RSPH6A: variants seen among roughly 807,000 people sequenced by gnomAD.
The protein encoded by RSPH6A is radial spoke head protein 6 homolog A.
A neutral mutation model predicts 66.1 loss-of-function variants in RSPH6A; 49 were observed. That is an observed-to-expected ratio of 0.74 (90% CI 0.59 to 0.94). RSPH6A has a LOEUF of 0.94. Among genes scored for constraint, RSPH6A ranks in the 40% least tolerant of loss-of-function variants. RSPH6A has a pLI of 0.00. For missense variants in RSPH6A, 977 were observed against 948.3 expected (o/e 1.03, Z -0.40); for synonymous variants, 419 against 402.4 (o/e 1.04, Z -0.49).
At chr19:45,808,923 T>G (rs1489840524) in intron 2 of RSPH6A, among the ~76,000 whole-genome samples, 1 of 150,952 alleles carries the variant, frequency 6.6e-6, no homozygotes, top group East Asian at 2.0e-4. Flanking sequence ...TGCCTCGGCC[T>G]CCCAAAGTGC....
chr19:45,795,868 C>T lies in RSPH6A; in HGVS notation c.*1G>A, dbSNP rs942164226. The T allele has an allele frequency of 8.7e-6, 14 of 1,606,246 alleles. No individual in the cohort carries two copies. Among genetic ancestry groups the T allele is most frequent in the African/African-American group, 1.3e-5 (1 of 74,856 alleles). On this transcript the variant is annotated 3_prime_UTR_variant, in exon 6 of 6. Transcript: ENST00000221538. Reference sequence around the variant, plus strand: ...TGGGGAAAGTGGCTAGAGGGTGGGCCTCAGTCATCTGTCTCCTCGCCCTCC... The same window carrying T: ...TGGGGAAAGTGGCTAGAGGGTGGGCTTCAGTCATCTGTCTCCTCGCCCTCC...
intron 2 of RSPH6A, among the ~76,000 whole-genome samples, chr19:45,808,074 C>T (rs1970569698): frequency 6.6e-6 from 1 of 152,200 alleles, no homozygotes; most frequent in Admixed American, 6.5e-5. Context: ...TGTTGTCAAA[C>T]AAGTAAAATA....
intron 5 of RSPH6A, among the ~76,000 whole-genome samples, chr19:45,798,078 G>C (rs867479762): frequency 9.2e-5 from 14 of 152,078 alleles, no homozygotes; most frequent in Admixed American, 1.3e-4. Context: ...GAGGCAGAGA[G>C]AGCCAAGCAT....
At chr19:45,806,874 A>C (rs892436833) in intron 2 of RSPH6A, among the ~76,000 whole-genome samples, 1 of 151,600 alleles carries the variant, frequency 6.6e-6, no homozygotes, top group Non-Finnish European at 1.5e-5. Context: ...AACCAGTCCC[A>C]AAATCTTTAT....
chr19:45,813,542 G>A (rs748661836), intron 1 of RSPH6A, among the ~76,000 whole-genome samples: 25 of 151,968 alleles, frequency 1.6e-4, no homozygotes, highest in Non-Finnish European at 1.6e-4. Context: ...ACAGGGTTTC[G>A]CCATGTTGGC....
At position 45,814,592 on chromosome 19, in the gene RSPH6A, C is replaced by G. The variant is rs748047125; in HGVS notation, c.585G>C (p.Leu195=). The change falls in exon 1 of 6, where the codon CTG becomes CTC. Residue 195 remains leucine (L), a synonymous_variant. Coordinates refer to ENST00000221538, the MANE Select transcript of RSPH6A (RefSeq NM_030785.4). ...YSAQVPEPEP[L]ELAVQNAKAY... is the part of the protein sequence containing the mutation. ...CCTTGGCGTTCTGCACGGCCAGCTCCAGAGGCTCGGGCTCAGGCACCTGGG... is the reference window on the plus strand; with the variant it reads ...CCTTGGCGTTCTGCACGGCCAGCTCGAGAGGCTCGGGCTCAGGCACCTGGG... 1 of 1,560,670 alleles carries G rather than the reference C, an allele frequency of 6.4e-7. No homozygotes were observed. Among genetic ancestry groups the G allele is most frequent in the Admixed American group, 2.0e-5 (1 of 50,992 alleles).
intron 2 of RSPH6A, among the ~76,000 whole-genome samples, chr19:45,806,929 C>T (rs1970551788): frequency 6.6e-6 from 1 of 151,644 alleles, no homozygotes. Flanking sequence ...GAGTCTTGCT[C>T]TGTCACCCAG....
At chr19:45,806,009 G>A (rs1726841291) in intron 2 of RSPH6A, among the ~76,000 whole-genome samples, 1 of 152,188 alleles carries the variant, frequency 6.6e-6, no homozygotes, top group Non-Finnish European at 1.5e-5. Context: ...GTCCCCAGTA[G>A]CATTGCTCAG....
At chr19:45,814,499 AC>A in intron 1 of RSPH6A, 27 bp downstream of exon 1, 2 of 1,282,018 alleles carry the variant, frequency 1.6e-6, no homozygotes, top group East Asian at 5.3e-5. Flanking sequence ...TGGGTCCCCC[AC>A]CCGCCCCACT....
intron 3 of RSPH6A, among the ~76,000 whole-genome samples, chr19:45,802,695 C>T (rs1440667925): frequency 2.0e-5 from 3 of 151,342 alleles, no homozygotes; most frequent in African/African-American, 2.4e-5. Context: ...TTAGTAGAGA[C>T]GGGGTTTCAC....
chr19:45,799,201 A>G (rs1970440616), intron 5 of RSPH6A, among the ~76,000 whole-genome samples: 1 of 152,242 alleles, frequency 6.6e-6, no homozygotes, highest in South Asian at 2.1e-4. Context: ...AAAAATCATC[A>G]TGCCATCTGG....
At chr19:45,814,251 C>T (rs908222235) in intron 1 of RSPH6A, among the ~76,000 whole-genome samples, 2 of 152,040 alleles carry the variant, frequency 1.3e-5, no homozygotes, top group Non-Finnish European at 2.9e-5. Flanking sequence ...TTTGGGTAAG[C>T]GACCCAACTT....
intron 2 of RSPH6A, among the ~76,000 whole-genome samples, chr19:45,805,991 A>G (rs1320076986): frequency 6.6e-6 from 1 of 152,140 alleles, no homozygotes; most frequent in Non-Finnish European, 1.5e-5. Flanking sequence ...AAAGGTGGAA[A>G]TTGCCTGGTC....
chr19:45,800,705 G>T, intron 4 of RSPH6A, 142 bp from the exon 5 acceptor site: 1 of 596,522 alleles, frequency 1.7e-6, no homozygotes, highest in Non-Finnish European at 2.9e-6. Flanking sequence ...AGCTCGGGCT[G>T]CGGTGTTTGA....
At chr19:45,806,152 G>A (rs1970540090) in intron 2 of RSPH6A, among the ~76,000 whole-genome samples, 1 of 152,166 alleles carries the variant, frequency 6.6e-6, no homozygotes, top group African/African-American at 2.4e-5. Context: ...GAGAAGACAG[G>A]TCTCGAACGG....
In RSPH6A at chr19:45,804,476, C is replaced by A. The variant is rs764590296; in HGVS notation, c.1429G>T (p.Glu477Ter). The A allele has an allele frequency of 1.2e-6, 2 of 1,613,964 alleles. No individual in the cohort carries two copies. Among genetic ancestry groups the A allele is most frequent in the African/African-American group, 2.7e-5 (2 of 74,922 alleles). Residue 477 changes from glutamate to a stop codon, truncating the protein, a stop_gained, in exon 3 of 6, where the codon GAG becomes TAG. Coordinates refer to ENST00000221538, the MANE Select transcript of RSPH6A (RefSeq NM_030785.4). LOFTEE classifies it high-confidence loss of function. This position sits in a 1 kb window ranked among gnomAD's most constrained non-coding sequence, Gnocchi z 5.8. The part of the protein sequence containing the change: ...VVSYPPFPGN[E>*]ANYLRAQIAR... Reference sequence around the variant, plus strand: ...ATCTGGGCCCGCAGGTAGTTGGCCTCGTTGCCCGGGAAGGGTGGGTAGCTG... The same window carrying A: ...ATCTGGGCCCGCAGGTAGTTGGCCTAGTTGCCCGGGAAGGGTGGGTAGCTG...
intron 4 of RSPH6A, 23 bp from the exon 5 acceptor site, chr19:45,800,586 G>A (rs758492103): frequency 1.3e-6 from 2 of 1,593,610 alleles, no homozygotes; most frequent in South Asian, 2.2e-5. Context: ...GGCAGCAGAG[G>A]GGGGCAGCAG....
At position 45,815,242 on chromosome 19, in the gene RSPH6A, C is replaced by T. The variant is rs948139913; in HGVS notation, c.-66G>A. 12 of 1,429,538 alleles carry T rather than the reference C, an allele frequency of 8.4e-6. No individual in the cohort carries two copies. Among genetic ancestry groups the T allele is most frequent in the Non-Finnish European group, 9.2e-7 (1 of 1,084,674 alleles). The allele number at this position is 1,429,538 out of a possible 1,614,324, so 88.6% of individuals were successfully genotyped here. A position where few individuals can be genotyped will look rare whatever the true frequency, so the allele number is the denominator to read the frequency against. On this transcript the variant is annotated 5_prime_UTR_variant, in exon 1 of 6. In the 5' UTR this introduces an upstream ATG that the reference lacks. Coordinates refer to ENST00000221538, the MANE Select transcript of RSPH6A (RefSeq NM_030785.4). ...AGACAAGGAGGCCAAGCGAGAGCCA[C>T]CTGTCGACACCGCCGGTTTCTGAGC...
intron 2 of RSPH6A, among the ~76,000 whole-genome samples, chr19:45,809,800 T>TG (rs924098607): frequency 2.4e-4 from 36 of 152,048 alleles, no homozygotes; most frequent in South Asian, 1.7e-3. Context: ...TTCAAAGCAG[T>TG]GGGGGGGCAG....
Sources: allele counts gnomAD v4.1 joint callset (sites outside exome capture counted in the v4.1 genomes callset), GRCh38; gene constraint gnomAD v4.1.1; non-coding constraint Gnocchi (gnomAD v3.1); transcripts MANE v1.5; gene names NCBI Gene and HGNC (gene_info 2026-07-23, HGNC 2026-07-21).